SND1: variants seen among roughly 807,000 people sequenced by gnomAD.
SND1 encodes staphylococcal nuclease domain-containing protein 1.
SND1 carries 38 observed loss-of-function variants against 121.7 expected under a neutral mutation model. The observed-to-expected ratio is 0.31, with a 90% confidence interval of 0.24 to 0.41. The LOEUF is 0.41. SND1 is among the 10% of genes least tolerant of loss of function. The pLI, the probability that SND1 is intolerant of heterozygous loss-of-function variation, is 1.00. For synonymous variants in SND1, 401 were observed against 447.4 expected (o/e 0.90, Z 1.31); for missense variants, 868 against 1,184.6 (o/e 0.73, Z 3.92).
chr7:127,844,470 T>A, intron 12 of SND1, 46 bp downstream of exon 12: 6 of 1,424,854 alleles, frequency 4.2e-6, no homozygotes, highest in Non-Finnish European at 5.9e-6. Context: ...CTCAAGTAGC[T>A]AAGAGTTCTT....
intron 9 of SND1, chr7:127,718,507 C>T: frequency 2.1e-6 from 2 of 934,858 alleles, no homozygotes; most frequent in Non-Finnish European, 2.6e-6. Flanking sequence ...CGCATGCACT[C>T]ACCCTTCCTA....
intron 22 of SND1, among the ~76,000 whole-genome samples, chr7:128,090,516 G>A (rs1416362813): frequency 6.6e-6 from 1 of 152,320 alleles, no homozygotes; most frequent in South Asian, 2.1e-4. Context: ...TCGGGCCCCC[G>A]ACAGAGCTGC....
At chr7:127,974,508 G>A (rs527377809) in intron 15 of SND1, among the ~76,000 whole-genome samples, 1 of 152,258 alleles carries the variant, frequency 6.6e-6, no homozygotes, top group Admixed American at 6.5e-5. Flanking sequence ...GGAGCCATTT[G>A]GTTTCCAAGG....
At chr7:127,669,168 T>C (rs1795472051) in intron 1 of SND1, among the ~76,000 whole-genome samples, 1 of 152,184 alleles carries the variant, frequency 6.6e-6, no homozygotes, top group South Asian at 2.1e-4. Flanking sequence ...CATTTTTGTA[T>C]TTTTAGTAGA....
At chr7:127,920,445 T>G (rs1800677546) in intron 14 of SND1, among the ~76,000 whole-genome samples, 1 of 152,154 alleles carries the variant, frequency 6.6e-6, no homozygotes, top group Non-Finnish European at 1.5e-5. Context: ...GCTCTCTAAC[T>G]GGAGGGCTAT....
intron 10 of SND1, among the ~76,000 whole-genome samples, chr7:127,757,027 C>T (rs1328523833): frequency 2.0e-5 from 3 of 151,972 alleles, no homozygotes; most frequent in African/African-American, 7.3e-5. Context: ...TATGCATAAA[C>T]CAGTGTATCT....
At chr7:127,719,042 C>A (rs1385737950) in intron 9 of SND1, among the ~76,000 whole-genome samples, 2 of 152,078 alleles carry the variant, frequency 1.3e-5, no homozygotes, top group East Asian at 3.9e-4. Context: ...GCTATAGTAG[C>A]TATTTTGCTT....
At chr7:127,983,776 C>T (rs1358962805) in intron 15 of SND1, among the ~76,000 whole-genome samples, 3 of 152,244 alleles carry the variant, frequency 2.0e-5, no homozygotes, top group Admixed American at 2.0e-4. Flanking sequence ...GGGCTCCTCA[C>T]TGTAAGCAGA....
At position 128,037,213 on chromosome 7, in the gene SND1, C is replaced by T. The variant is rs1052972721; in HGVS notation, c.1780-37289C>T. On this transcript the variant is annotated intron_variant, in intron 16 of 23. Coordinates refer to ENST00000354725, the MANE Select transcript of SND1 (RefSeq NM_014390.4). ...GCAGGGCTGCACTCCCTCCAGAGGCCGTAGGGGAGAATCATTCCTTGCCTC... is the reference window on the plus strand; with the variant it reads ...GCAGGGCTGCACTCCCTCCAGAGGCTGTAGGGGAGAATCATTCCTTGCCTC... Among the ~76,000 whole-genome samples the T allele has an allele frequency of 5.9e-5, 9 of 152,286 alleles. No individual in the cohort carries two copies. The South Asian group carries it at 8.3e-4, about 14-fold the overall frequency.
chr7:127,827,081 A>T (rs1225736669), intron 11 of SND1, among the ~76,000 whole-genome samples: 2 of 152,328 alleles, frequency 1.3e-5, no homozygotes, highest in South Asian at 4.1e-4. Context: ...TTCAGATATT[A>T]TTCTGATATT....
At position 127,917,322 on chromosome 7, in the gene SND1, G is replaced by C. The variant is rs545311928; in HGVS notation, c.1528-11866G>C. Among the ~76,000 whole-genome samples the C allele has an allele frequency of 6.6e-5, 10 of 152,268 alleles. No homozygotes were observed. The East Asian group carries it at 1.9e-3, about 29-fold the overall frequency. On this transcript the variant is annotated intron_variant, in intron 14 of 23. Transcript: ENST00000354725. ...CTAACTACTTTAGAAGTATCATTCTGTAAAAGTAGTTTCATTATTGTTTAA... is the reference window on the plus strand; with the variant it reads ...CTAACTACTTTAGAAGTATCATTCTCTAAAAGTAGTTTCATTATTGTTTAA...
intron 14 of SND1, among the ~76,000 whole-genome samples, chr7:127,913,507 G>T (rs958562102): frequency 6.6e-6 from 1 of 152,196 alleles, no homozygotes; most frequent in South Asian, 2.1e-4. Flanking sequence ...TCTGGCCATA[G>T]ATTTGGCTAT....
chr7:127,903,531 A>ATCT (rs1800275672), intron 13 of SND1, among the ~76,000 whole-genome samples: 1 of 152,216 alleles, frequency 6.6e-6, no homozygotes, highest in African/African-American at 2.4e-5. Flanking sequence ...TTTCTGAACC[A>ATCT]GAAGCATTTC....
At chr7:128,089,366 G>A in intron 21 of SND1, 123 bp from the exon 22 acceptor site, 1 of 953,334 alleles carries the variant, frequency 1.0e-6, no homozygotes, top group African/African-American at 1.6e-5. Context: ...CCTCACTAGG[G>A]TTCTCTGGGG....
In SND1 at chr7:127,703,341, G is replaced by T; in HGVS notation, c.840+18G>T. On this transcript the variant is annotated intron_variant, in intron 7 of 23. Coordinates refer to ENST00000354725, the MANE Select transcript of SND1 (RefSeq NM_014390.4). ...TTCATCCAGTGAGTGTGTCTGTGCA[G>T]ACTGGGTGGTGATGGGCTAGGGATG... 4.3e-6 allele frequency: 7 copies of T among 1,613,030 alleles called. No homozygotes were observed. Among genetic ancestry groups the T allele is most frequent in the Non-Finnish European group, 5.9e-6 (7 of 1,179,142 alleles).
chr7:127,673,224 G>A (rs1045831629), intron 1 of SND1, among the ~76,000 whole-genome samples: 7 of 146,348 alleles, frequency 4.8e-5, no homozygotes, highest in African/African-American at 1.7e-4. Context: ...ATCATGTAAT[G>A]TTATATATGA....
chr7:127,918,478 A>T (rs898584366), intron 14 of SND1, among the ~76,000 whole-genome samples: 1 of 152,160 alleles, frequency 6.6e-6, no homozygotes, highest in South Asian at 2.1e-4. Flanking sequence ...AAGGATAGAA[A>T]TTATCTGTAC....
chr7:127,739,929 G>T (rs754013394), intron 10 of SND1, among the ~76,000 whole-genome samples: 5 of 152,210 alleles, frequency 3.3e-5, no homozygotes, highest in Non-Finnish European at 7.3e-5. Context: ...AAGTCATGGT[G>T]GTAAAAGGTT....
At chr7:128,069,850 A>C (rs773486866) in intron 16 of SND1, among the ~76,000 whole-genome samples, 2 of 152,200 alleles carry the variant, frequency 1.3e-5, no homozygotes, top group Non-Finnish European at 2.9e-5. Flanking sequence ...GTCCACACTT[A>C]TAACCTCCAT....
Sources: allele counts gnomAD v4.1 joint callset (sites outside exome capture counted in the v4.1 genomes callset), GRCh38; gene constraint gnomAD v4.1.1; transcripts MANE v1.5; gene names NCBI Gene and HGNC (gene_info 2026-07-23, HGNC 2026-07-21).